DOCK9: variants seen among roughly 807,000 people sequenced by gnomAD.
DOCK9 encodes the protein dedicator of cytokinesis 9.
DOCK9 carries 89 observed loss-of-function variants against 263.3 expected under a neutral mutation model. The ratio of observed to expected loss-of-function variants is 0.34; its 90% confidence interval spans 0.28 to 0.40. DOCK9 has a LOEUF of 0.40. DOCK9 is among the 10% of genes least tolerant of loss of function. The pLI is 1.00. For synonymous variants in DOCK9, 976 were observed against 973.1 expected, an observed-to-expected ratio of 1.00 and a Z score of -0.06; for missense variants, 2,140 against 2,603.4, an observed-to-expected ratio of 0.82 and a Z score of 3.87.
At chr13:98,818,767 T>A (rs1460764386) in intron 45 of DOCK9, among the ~76,000 whole-genome samples, 1 of 152,212 alleles carries the variant, frequency 6.6e-6, no homozygotes, top group Non-Finnish European at 1.5e-5. Context: ...AGGCCCATTT[T>A]AGTGTGCCAC....
intron 33 of DOCK9, chr13:98,858,190 TG>T (rs2093754818): frequency 6.6e-6 from 1 of 152,210 alleles, no homozygotes; most frequent in Admixed American, 6.5e-5. Flanking sequence ...CCTGGCCCAG[TG>T]CATAGCTTTT....
intron 1 of DOCK9, among the ~76,000 whole-genome samples, chr13:99,061,388 C>T (rs984350803): frequency 6.6e-6 from 1 of 152,204 alleles, no homozygotes; most frequent in Non-Finnish European, 1.5e-5. Context: ...ACACACAACA[C>T]TCCCTCACTG....
chr13:98,825,291 C>A lies in DOCK9; in HGVS notation c.5024-787G>T, dbSNP rs1380731395. Among the ~76,000 whole-genome samples the A allele has an allele frequency of 6.6e-6, 1 of 152,320 alleles. No homozygotes were observed. Among genetic ancestry groups the A allele is most frequent in the Admixed American group, 6.5e-5 (1 of 15,306 alleles). ...TGCAAAATGATCAAGTGAAGAAGGG[C>A]ATGAGATGTTCCACTACTCTATTTT... On this transcript the variant is annotated intron_variant, in intron 44 of 52. Transcript: ENST00000682017. The surrounding 1 kb of genome is among the most constrained non-coding windows in gnomAD (Gnocchi z 4.1).
intron 45 of DOCK9, among the ~76,000 whole-genome samples, chr13:98,820,088 G>A (rs2092168346): frequency 6.6e-6 from 1 of 152,312 alleles, no homozygotes; most frequent in Admixed American, 6.5e-5. Flanking sequence ...CCGCTTCCTA[G>A]GGAAAATGCA....
chr13:98,960,286 C>T (rs570486698), intron 1 of DOCK9, among the ~76,000 whole-genome samples: 1 of 152,304 alleles, frequency 6.6e-6, no homozygotes, highest in East Asian at 1.9e-4. Context: ...ATGTTTGAAA[C>T]CCTGAGAATT....
At chr13:98,952,731 T>C (rs2057588395) in intron 2 of DOCK9, among the ~76,000 whole-genome samples, 1 of 152,228 alleles carries the variant, frequency 6.6e-6, no homozygotes, top group Admixed American at 6.5e-5. Flanking sequence ...ATGTGCCTAC[T>C]TGAAAAATGT....
In DOCK9 at chr13:98,871,813, G is replaced by A. The variant is rs556742668; in HGVS notation, c.2944-3436C>T. The A allele has an allele frequency of 1.7e-3, 259 of 152,778 alleles. 1 individual carries two copies. Among genetic ancestry groups the A allele is most frequent in the Non-Finnish European group, 3.2e-3 (217 of 68,182 alleles). 9.5% of individuals were successfully genotyped at this position (152,778 alleles called of 1,614,324 possible). ...GACAGGTGCTGCCTGTGTGGGGTCA[G>A]CCAGCCCAGCACCTGTCCTCACAAG... On this transcript the variant is annotated intron_variant, in intron 27 of 52. Coordinates refer to ENST00000682017, the MANE Select transcript of DOCK9 (RefSeq NM_001366683.2).
chr13:98,868,515 G>A lies in DOCK9; in HGVS notation c.2944-138C>T. On this transcript the variant is annotated intron_variant, in intron 27 of 52. Coordinates refer to ENST00000682017, the MANE Select transcript of DOCK9 (RefSeq NM_001366683.2). Reference sequence around the variant, plus strand: ...GCTGTGGCTCACACTTGTAACCCCAGCACTTTGGGAAGCCAAGTTGGGAGG... The same window carrying A: ...GCTGTGGCTCACACTTGTAACCCCAACACTTTGGGAAGCCAAGTTGGGAGG... 2.9e-6 allele frequency: 3 copies of A among 1,019,302 alleles called. No homozygotes were observed. In the East Asian group the frequency reaches 7.9e-5, roughly 27 times the overall value. 63.1% of individuals were successfully genotyped at this position (1,019,302 alleles called of 1,614,324 possible). A position where few individuals can be genotyped will look rare whatever the true frequency, so the allele number is the denominator to read the frequency against.
At chr13:98,896,076 C>T (rs768022951) in intron 15 of DOCK9, among the ~76,000 whole-genome samples, 16 of 152,162 alleles carry the variant, frequency 1.1e-4, no homozygotes, top group Non-Finnish European at 1.9e-4. Context: ...ATCAGCCCAG[C>T]GGGCATGCAC....
At chr13:98,944,002 T>C (rs1280865205) in intron 2 of DOCK9, among the ~76,000 whole-genome samples, 2 of 152,222 alleles carry the variant, frequency 1.3e-5, no homozygotes, top group African/African-American at 4.8e-5. Flanking sequence ...ACTAATCACA[T>C]AGATAAAATT....
chr13:98,980,526 C>T (rs1391962081), upstream of DOCK9, among the ~76,000 whole-genome samples: 1 of 152,228 alleles, frequency 6.6e-6, no homozygotes, highest in East Asian at 1.9e-4. Context: ...AAGACAGCAG[C>T]ATCTGGCTTT....
chr13:98,982,360 G>A (rs1019697815), upstream of DOCK9, among the ~76,000 whole-genome samples: 1 of 152,194 alleles, frequency 6.6e-6, no homozygotes, highest in Non-Finnish European at 1.5e-5. Context: ...TCTCTCTGTA[G>A]AGGGAACTGC....
intron 1 of DOCK9, among the ~76,000 whole-genome samples, chr13:99,019,763 A>C (rs1015391038): frequency 6.6e-6 from 1 of 152,100 alleles, no homozygotes; most frequent in African/African-American, 2.4e-5. Flanking sequence ...GTTTCTGTGG[A>C]GTGGCCCTGA....
intron 1 of DOCK9, among the ~76,000 whole-genome samples, chr13:99,040,127 A>G (rs990453870): frequency 1.3e-5 from 2 of 152,156 alleles, no homozygotes; most frequent in African/African-American, 2.4e-5. Flanking sequence ...TTATAAGAAA[A>G]GGCAAGAGAG....
intron 41 of DOCK9, among the ~76,000 whole-genome samples, chr13:98,830,947 G>C (rs1459639465): frequency 1.3e-5 from 2 of 152,260 alleles, no homozygotes; most frequent in Non-Finnish European, 2.9e-5. Context: ...TCTCAGAGCA[G>C]AGAATTTAGG....
At position 98,885,787 on chromosome 13, in the gene DOCK9, C is replaced by A; in HGVS notation, c.2181G>T (p.Leu727=). ...AGCTGACATGGAAGAATGTGAGCAA[C>A]AGGTGGTGCTTTTCATGCAGCTGAG... The part of the protein sequence containing the change: ...LPTQLHEKHH[L]LLTFFHVSCD... Residue 727 remains leucine, a synonymous_variant, in exon 20 of 53, where the codon CTG becomes CTT. Coordinates refer to ENST00000682017, the MANE Select transcript of DOCK9 (RefSeq NM_001366683.2). The A allele has an allele frequency of 6.2e-7, 1 of 1,612,502 alleles. No homozygotes were observed. The highest frequency in any genetic ancestry group is 8.5e-7 in the Non-Finnish European group (1 of 1,179,600).
intron 52 of DOCK9, 75 bp from the exon 53 acceptor site, chr13:98,794,823 C>T (rs374618395): frequency 2.4e-5 from 36 of 1,518,644 alleles, no homozygotes; most frequent in Middle Eastern, 1.7e-4. Flanking sequence ...CCATGTGTGA[C>T]ACAATGTTAC....
chr13:98,804,177 G>A (rs1288569868), intron 49 of DOCK9, among the ~76,000 whole-genome samples: 1 of 152,124 alleles, frequency 6.6e-6, no homozygotes, highest in Non-Finnish European at 1.5e-5. Flanking sequence ...CCACTCTTTG[G>A]AAGACGTGTG....
chr13:99,056,315 AAATG>A (rs2040921335), intron 1 of DOCK9, among the ~76,000 whole-genome samples: 1 of 79,832 alleles, frequency 1.3e-5, no homozygotes. Flanking sequence ...TGGGCACATT[AAATG>A]GTACTGATAA....
Sources: gnomAD v4.1 joint callset for allele counts (sites outside exome capture counted in the v4.1 genomes callset) on GRCh38, gnomAD v4.1.1 for gene constraint, Gnocchi (gnomAD v3.1) non-coding constraint, MANE v1.5 for transcripts, NCBI Gene and HGNC (gene_info 2026-07-23, HGNC 2026-07-21) for gene names.